The following THSD7B variants were observed in gnomAD, a reference collection of about 807,000 sequenced individuals.
The protein encoded by THSD7B is thrombospondin type 1 domain containing 7B, also known as thrombospondin type-1 domain-containing protein 7B.
A neutral mutation model predicts 213.6 loss-of-function variants in THSD7B; 138 were observed. The observed-to-expected ratio is 0.65, with a 90% CI of 0.56 to 0.74. The LOEUF (loss-of-function observed/expected upper bound fraction) is 0.74, where lower values mean the gene tolerates loss of function less well. Ranked by LOEUF, THSD7B falls within the 30% of genes least tolerant of loss-of-function variation. THSD7B has a pLI of 0.00. For missense variants in THSD7B, 1,931 were observed against 1,991.5 expected, an observed-to-expected ratio of 0.97 and a Z score of 0.58; for synonymous variants, 742 against 687.0, an observed-to-expected ratio of 1.08 and a Z score of -1.25.
intron 15 of THSD7B, among the ~76,000 whole-genome samples, chr2:137,530,374 T>C (rs1056650677): frequency 2.0e-5 from 3 of 152,022 alleles, no homozygotes; most frequent in Admixed American, 1.3e-4. Flanking sequence ...AGGCCCACCA[T>C]GTTTCTCAAT....
At chr2:137,024,979 G>A (rs553104119) in intron 2 of THSD7B, among the ~76,000 whole-genome samples, 13 of 152,046 alleles carry the variant, frequency 8.6e-5, no homozygotes, top group African/African-American at 1.2e-4. Flanking sequence ...GTCCTGCAGC[G>A]GCCTCCTGTC....
chr2:137,648,380 C>G (rs1257791372), intron 21 of THSD7B, among the ~76,000 whole-genome samples: 1 of 143,242 alleles, frequency 7.0e-6, no homozygotes, highest in African/African-American at 2.7e-5. Flanking sequence ...CATCTCCCCC[C>G]CTCACCCCTA....
At chr2:137,019,465 G>A (rs1686402783) in intron 2 of THSD7B, among the ~76,000 whole-genome samples, 1 of 152,154 alleles carries the variant, frequency 6.6e-6, no homozygotes, top group Non-Finnish European at 1.5e-5. Flanking sequence ...CTTATAACCT[G>A]TCTTTGACTG....
At chr2:136,883,968 C>T (rs1354332476) in intron 2 of THSD7B, among the ~76,000 whole-genome samples, 1 of 152,164 alleles carries the variant, frequency 6.6e-6, no homozygotes, top group Non-Finnish European at 1.5e-5. Flanking sequence ...AAGCAGATTA[C>T]TTATGTATGA....
intron 15 of THSD7B, among the ~76,000 whole-genome samples, chr2:137,537,352 C>G (rs1316199423): frequency 6.6e-6 from 1 of 151,714 alleles, no homozygotes. Context: ...TGTTTCTATA[C>G]TTCTATCTAA....
At chr2:136,981,763 G>T (rs554552470) in intron 2 of THSD7B, among the ~76,000 whole-genome samples, 73 of 152,212 alleles carry the variant, frequency 4.8e-4, no homozygotes, top group African/African-American at 1.7e-3. Context: ...GGAACCCTCT[G>T]CCCACTGAAG....
chr2:136,937,177 T>G (rs767238706), intron 2 of THSD7B, among the ~76,000 whole-genome samples: 1 of 152,042 alleles, frequency 6.6e-6, no homozygotes, highest in Non-Finnish European at 1.5e-5. Flanking sequence ...CCTTCAATTG[T>G]GAGCCTTACT....
chr2:137,557,350 C>A (rs79421413), intron 15 of THSD7B, among the ~76,000 whole-genome samples: 2 of 152,184 alleles, frequency 1.3e-5, no homozygotes, highest in African/African-American at 2.4e-5. Flanking sequence ...GTCTCTCAGA[C>A]CACAGTGCAA....
chr2:136,778,782 G>A (rs1316635805), intron 1 of THSD7B, among the ~76,000 whole-genome samples: 1 of 152,084 alleles, frequency 6.6e-6, no homozygotes, highest in African/African-American at 2.4e-5. Context: ...GAAATGTTAG[G>A]TCAGTCTTTT....
chr2:137,668,611 G>T (rs1428657846), intron 27 of THSD7B, among the ~76,000 whole-genome samples: 2 of 152,056 alleles, frequency 1.3e-5, no homozygotes, highest in Admixed American at 6.6e-5. Context: ...GAGGACTGGG[G>T]TGCCTACTCC....
intron 5 of THSD7B, among the ~76,000 whole-genome samples, chr2:137,142,542 A>G (rs533789012): frequency 3.9e-5 from 6 of 152,272 alleles, no homozygotes; most frequent in African/African-American, 9.6e-5. Context: ...AACCTTGTCT[A>G]TTATACTATC....
chr2:137,441,361 TCTC>T (rs1687406096), intron 14 of THSD7B, among the ~76,000 whole-genome samples: 2 of 152,058 alleles, frequency 1.3e-5, no homozygotes, highest in South Asian at 2.1e-4. Flanking sequence ...AATTTATACT[TCTC>T]CTCAAACAAA....
At chr2:136,902,037 C>A (rs567965764) in intron 2 of THSD7B, among the ~76,000 whole-genome samples, 1 of 152,198 alleles carries the variant, frequency 6.6e-6, no homozygotes, top group African/African-American at 2.4e-5. Flanking sequence ...CACTGATATT[C>A]GATACCCTGG....
intron 17 of THSD7B, among the ~76,000 whole-genome samples, chr2:137,615,098 T>C (rs1204142190): frequency 6.6e-6 from 1 of 152,188 alleles, no homozygotes; most frequent in Non-Finnish European, 1.5e-5. Flanking sequence ...CTGTGACATA[T>C]AATTGATATT....
chr2:137,078,389 T>C (rs1431216850), intron 3 of THSD7B, among the ~76,000 whole-genome samples: 1 of 152,204 alleles, frequency 6.6e-6, no homozygotes. Flanking sequence ...ACATGTGTTT[T>C]AATATGCACC....
intron 11 of THSD7B, among the ~76,000 whole-genome samples, chr2:137,275,373 T>G (rs1022254859): frequency 1.3e-5 from 2 of 152,028 alleles, no homozygotes; most frequent in African/African-American, 4.8e-5. Flanking sequence ...TTATAAAAAT[T>G]TGAAGCAGAG....
chr2:137,139,058 T>A (rs1679528419), intron 5 of THSD7B, among the ~76,000 whole-genome samples: 1 of 152,202 alleles, frequency 6.6e-6, no homozygotes, highest in Non-Finnish European at 1.5e-5. Context: ...CACTCAACAT[T>A]CTGTTCTCCA....
intron 15 of THSD7B, among the ~76,000 whole-genome samples, chr2:137,462,593 C>G (rs906959686): frequency 8.6e-5 from 13 of 151,992 alleles, no homozygotes; most frequent in African/African-American, 3.1e-4. Context: ...AAAACTTGAG[C>G]CTCTCCTTTG....
intron 5 of THSD7B, chr2:137,156,053 A>G (rs953297365): frequency 2.0e-5 from 3 of 152,206 alleles, no homozygotes; most frequent in Non-Finnish European, 4.4e-5. Flanking sequence ...TTAGTTTTTC[A>G]GTAAAATTGA....
Sources: allele counts gnomAD v4.1 joint callset (sites outside exome capture counted in the v4.1 genomes callset), GRCh38; gene constraint gnomAD v4.1.1; transcripts MANE v1.5; gene names NCBI Gene and HGNC (gene_info 2026-07-23, HGNC 2026-07-21).